FAM227B: variants seen among roughly 807,000 people sequenced by gnomAD.
FAM227B encodes protein FAM227B.
FAM227B carries 88 observed loss-of-function variants against 73.8 expected under a neutral mutation model. The ratio of observed to expected loss-of-function variants is 1.19; its 90% confidence interval spans 1.00 to 1.42. FAM227B has a LOEUF of 1.42. FAM227B is among the 40% of genes most tolerant of loss of function. The pLI, the probability that FAM227B is intolerant of heterozygous loss-of-function variation, is 0.00. For missense variants in FAM227B, 632 were observed against 590.9 expected (o/e 1.07, Z -0.72); for synonymous variants, 210 against 190.5 (o/e 1.10, Z -0.84).
At chr15:49,460,442 T>A (rs2151924872) in intron 11 of FAM227B, among the ~76,000 whole-genome samples, 1 of 152,316 alleles carries the variant, frequency 6.6e-6, no homozygotes, top group South Asian at 2.1e-4. Context: ...CACTGCAAAG[T>A]CTGAATGCAT....
At chr15:49,333,861 C>A (rs996901614) in intron 14 of FAM227B, among the ~76,000 whole-genome samples, 36 of 152,064 alleles carry the variant, frequency 2.4e-4, no homozygotes, top group African/African-American at 8.2e-4. Context: ...ATTTTTCTTG[C>A]TTCATTGAGG....
intron 8 of FAM227B, among the ~76,000 whole-genome samples, chr15:49,568,833 G>A (rs2074868349): frequency 6.6e-6 from 1 of 151,840 alleles, no homozygotes; most frequent in South Asian, 2.1e-4. Context: ...AAAAGATATT[G>A]GTAGTTTCTT....
At chr15:49,514,082 C>CT (rs1177727117) in intron 10 of FAM227B, among the ~76,000 whole-genome samples, 5 of 151,778 alleles carry the variant, frequency 3.3e-5, no homozygotes, top group Admixed American at 6.6e-5. Context: ...TATGTGGGCT[C>CT]TTTTTTTGGT....
chr15:49,498,771 A>G (rs1046335580), intron 11 of FAM227B, among the ~76,000 whole-genome samples: 1 of 152,218 alleles, frequency 6.6e-6, no homozygotes, highest in Non-Finnish European at 1.5e-5. Context: ...AAAGGGATGG[A>G]AAAGGATCTG....
chr15:49,611,116 G>C, intron 3 of FAM227B, 99 bp downstream of exon 3: 1 of 703,864 alleles, frequency 1.4e-6, no homozygotes. Context: ...ACATATTTCT[G>C]AAATTTCTAG....
At chr15:49,526,812 T>C (rs1010199415) in intron 10 of FAM227B, among the ~76,000 whole-genome samples, 2 of 151,908 alleles carry the variant, frequency 1.3e-5, no homozygotes, top group African/African-American at 4.8e-5. Flanking sequence ...TGGATAAATT[T>C]TGTGGAATAT....
At chr15:49,438,726 C>G (rs559569280) in intron 11 of FAM227B, among the ~76,000 whole-genome samples, 2 of 151,528 alleles carry the variant, frequency 1.3e-5, no homozygotes, top group Non-Finnish European at 3.0e-5. Flanking sequence ...TCTCCTAGGC[C>G]TCAGTTTTTG....
chr15:49,485,649 A>G (rs1391262435), intron 11 of FAM227B: 1 of 152,498 alleles, frequency 6.6e-6, no homozygotes, highest in Admixed American at 6.6e-5. Context: ...AGCCTGAAGC[A>G]ATGCTTACAA....
Position 49,576,857 on chromosome 15 carries a change from A to T in FAM227B, c.442-12T>A, listed in dbSNP as rs1371559483. The T allele has an allele frequency of 6.6e-7, 1 of 1,508,800 alleles. No individual in the cohort carries two copies. Among genetic ancestry groups the T allele is most frequent in the Admixed American group, 1.7e-5 (1 of 58,070 alleles). 93.5% of individuals were successfully genotyped at this position (1,508,800 alleles called of 1,614,324 possible). On this transcript the variant is annotated splice_polypyrimidine_tract_variant and intron_variant, in intron 6 of 15. Coordinates refer to ENST00000299338, the MANE Select transcript of FAM227B (RefSeq NM_152647.3). ...GTGAAGCTGCAACCCTAGAAAGAGG[A>T]AAATATAACAGGAGAGTAAATATTT...
intron 11 of FAM227B, among the ~76,000 whole-genome samples, chr15:49,433,738 G>A (rs948812364): frequency 6.6e-6 from 1 of 151,700 alleles, no homozygotes; most frequent in African/African-American, 2.4e-5. Context: ...GCAGGGCATA[G>A]TGAAGACCAA....
intron 11 of FAM227B, among the ~76,000 whole-genome samples, chr15:49,386,550 C>A (rs2046896410): frequency 6.6e-6 from 1 of 151,720 alleles, no homozygotes; most frequent in South Asian, 2.1e-4. Flanking sequence ...ATCAAGAAGT[C>A]TGAAAGTGCC....
chr15:49,487,798 G>T (rs2056527997), intron 11 of FAM227B: 1 of 151,868 alleles, frequency 6.6e-6, no homozygotes, highest in South Asian at 2.1e-4. Context: ...TAATATATTT[G>T]TGGTTGCGTT....
intron 11 of FAM227B, among the ~76,000 whole-genome samples, chr15:49,490,571 G>C (rs1464860904): frequency 2.0e-5 from 3 of 151,946 alleles, no homozygotes; most frequent in African/African-American, 7.2e-5. Context: ...TAAGTTGTTT[G>C]GCAGATGTCA....
At chr15:49,365,258 GC>G in intron 13 of FAM227B, 2 of 1,205,924 alleles carry the variant, frequency 1.7e-6, no homozygotes, top group Non-Finnish European at 2.5e-6. Flanking sequence ...AACAACTGAG[GC>G]AATAATAAGT....
chr15:49,351,949 T>C (rs2042317096), intron 13 of FAM227B, among the ~76,000 whole-genome samples: 1 of 152,202 alleles, frequency 6.6e-6, no homozygotes, highest in African/African-American at 2.4e-5. Flanking sequence ...TAATTTATAT[T>C]ATTACCTCTG....
chr15:49,455,147 C>T lies in FAM227B; in HGVS notation c.1012+53064G>A, dbSNP rs117696817. Among the ~76,000 whole-genome samples, 12 of 152,256 alleles carry T rather than the reference C, an allele frequency of 7.9e-5. No individual in the cohort carries two copies. The East Asian group carries it at 1.2e-3, about 15-fold the overall frequency. On this transcript the variant is annotated intron_variant, in intron 11 of 15. Transcript: ENST00000299338. Reference sequence around the variant, plus strand: ...AGTCAAAATCTCTGCTGTTAATTGGCGTCTCAGGTGATTTGTATGCATGCA... The same window carrying T: ...AGTCAAAATCTCTGCTGTTAATTGGTGTCTCAGGTGATTTGTATGCATGCA...
chr15:49,447,862 C>A (rs1286434924), intron 11 of FAM227B, among the ~76,000 whole-genome samples: 1 of 151,600 alleles, frequency 6.6e-6, no homozygotes, highest in East Asian at 1.9e-4. Flanking sequence ...ATTGAATAAA[C>A]AATAGGTTTG....
intron 10 of FAM227B, among the ~76,000 whole-genome samples, chr15:49,540,907 C>T (rs2070978297): frequency 6.6e-6 from 1 of 152,058 alleles, no homozygotes; most frequent in African/African-American, 2.4e-5. Flanking sequence ...TAGGTGGTTT[C>T]TCAGGGTTGT....
intron 14 of FAM227B, among the ~76,000 whole-genome samples, chr15:49,332,960 T>A (rs145397778): frequency 9.2e-5 from 14 of 151,900 alleles, no homozygotes; most frequent in South Asian, 2.1e-4. Flanking sequence ...TCCTCCTTGC[T>A]GATTGCTCTT....
Sources: allele counts gnomAD v4.1 joint callset (sites outside exome capture counted in the v4.1 genomes callset), GRCh38; gene constraint gnomAD v4.1.1; transcripts MANE v1.5; gene names NCBI Gene and HGNC (gene_info 2026-07-23, HGNC 2026-07-21).